Variants in TPR observed in about 807,000 individuals in gnomAD.
TPR encodes nucleoprotein TPR.
Under a neutral mutation model 316.1 loss-of-function variants are expected in TPR, and 51 were observed. The ratio of observed to expected loss-of-function variants is 0.16; its 90% CI spans 0.13 to 0.20. The LOEUF (loss-of-function observed/expected upper bound fraction) is 0.20, where lower values mean the gene tolerates loss of function less well. Ranked by LOEUF, TPR falls within the 10% of genes least tolerant of loss-of-function variation. The probability of loss-of-function intolerance (pLI) is 1.00; values close to 1 mark genes in which losing one functional copy is unlikely to be tolerated. For synonymous variants in TPR, 981 were observed against 914.7 expected (o/e 1.07, Z -1.31); for missense variants, 2,272 against 2,754.8 (o/e 0.82, Z 3.92).
At chr1:186,334,293 C>A in intron 36 of TPR, 32 bp downstream of exon 36, 2 of 1,538,206 alleles carry the variant, frequency 1.3e-6, no homozygotes, top group Non-Finnish European at 1.8e-6. Flanking sequence ...TCTAAATAAG[C>A]AGTCTCATCA....
intron 21 of TPR, among the ~76,000 whole-genome samples, chr1:186,348,248 G>A (rs768241785): frequency 3.9e-5 from 6 of 152,244 alleles, no homozygotes; most frequent in Non-Finnish European, 7.4e-5. Flanking sequence ...CCTGGGGGGA[G>A]GTCTATGAAC....
chr1:186,314,816 T>A, intron 49 of TPR, 92 bp from the exon 50 acceptor site: 1 of 734,156 alleles, frequency 1.4e-6, no homozygotes, highest in Non-Finnish European at 2.2e-6. Context: ...AATGAATGAA[T>A]AAGATGTAGA....
At chr1:186,346,344 A>G in intron 22 of TPR, 57 bp from the exon 23 acceptor site, 2 of 1,481,892 alleles carry the variant, frequency 1.3e-6, no homozygotes, top group South Asian at 2.8e-5. Context: ...AAGTCATACA[A>G]TTATTTTCTC....
chr1:186,353,350 C>T (rs911647713), intron 18 of TPR, among the ~76,000 whole-genome samples: 3 of 149,538 alleles, frequency 2.0e-5, no homozygotes, highest in South Asian at 2.1e-4. Context: ...CCAGCCTGGG[C>T]GACAGAGTGA....
intron 11 of TPR, 108 bp downstream of exon 11, chr1:186,360,165 A>T (rs1659141231): frequency 1.5e-6 from 2 of 1,360,720 alleles, no homozygotes; most frequent in African/African-American, 1.5e-5. Flanking sequence ...ATGATCCACT[A>T]ATTATAAGAT....
rs565270482 is a variant in TPR at position 186,343,773 on chromosome 1, T to A, written c.3602+133A>T. 21 of 921,834 alleles carry A rather than the reference T, an allele frequency of 2.3e-5. No individual in the cohort carries two copies. The African/African-American group carries it at 3.4e-4, about 15-fold the overall frequency. The allele number at this position is 921,834 out of a possible 1,614,324, so 57.1% of individuals were successfully genotyped here. On this transcript the variant is annotated intron_variant, in intron 26 of 50. Coordinates refer to ENST00000367478, the MANE Select transcript of TPR (RefSeq NM_003292.3). ...TAATATGTGTAAATGTTAAAAGTTA[T>A]GAGTTCTTTGACAAATAAAAGAATG...
chr1:186,353,642 C>G (rs1161653756), intron 18 of TPR, 46 bp downstream of exon 18: 39 of 1,581,056 alleles, frequency 2.5e-5, no homozygotes, highest in Non-Finnish European at 3.1e-5. Context: ...AAAGAAATGT[C>G]AAATGCAACT....
intron 39 of TPR, among the ~76,000 whole-genome samples, chr1:186,328,296 T>C (rs538795030): frequency 1.3e-5 from 2 of 152,318 alleles, no homozygotes; most frequent in Non-Finnish European, 2.9e-5. Context: ...GAATATGTCA[T>C]GTAATTTTAA....
intron 39 of TPR, among the ~76,000 whole-genome samples, chr1:186,328,463 A>G (rs1180220933): frequency 6.6e-6 from 1 of 152,158 alleles, no homozygotes; most frequent in African/African-American, 2.4e-5. Flanking sequence ...TGTATATTTT[A>G]TATTTGTATC....
At chr1:186,334,022 A>C (rs1411034322) in intron 36 of TPR, among the ~76,000 whole-genome samples, 1 of 152,178 alleles carries the variant, frequency 6.6e-6, no homozygotes, top group East Asian at 1.9e-4. Flanking sequence ...TGCTGTAATG[A>C]ATAACAAGAG....
chr1:186,324,154 A>C (rs1657849699), intron 42 of TPR, among the ~76,000 whole-genome samples: 1 of 152,158 alleles, frequency 6.6e-6, no homozygotes, highest in Non-Finnish European at 1.5e-5. Context: ...GTGTTTCTAA[A>C]ATGGTTTTTC....
intron 35 of TPR, 100 bp from the exon 36 acceptor site, chr1:186,334,633 A>G (rs1571611929): frequency 4.0e-6 from 5 of 1,238,002 alleles, no homozygotes; most frequent in East Asian, 4.8e-5. Flanking sequence ...TGTTCACTAA[A>G]TATTTCAGAG....
rs1377513986 is a variant in TPR at position 186,311,740 on chromosome 1, A to G, written c.*2231T>C. 1.8e-5 allele frequency: 16 copies of G among 879,136 alleles called. No individual in the cohort carries two copies. The South Asian group carries it at 2.3e-4, about 13-fold the overall frequency. 54.5% of individuals were successfully genotyped at this position (879,136 alleles called of 1,614,324 possible). A position where few individuals can be genotyped will look rare whatever the true frequency, so the allele number is the denominator to read the frequency against. On this transcript the variant is annotated 3_prime_UTR_variant, in exon 51 of 51. Coordinates refer to ENST00000367478, the MANE Select transcript of TPR (RefSeq NM_003292.3). Reference sequence around the variant, plus strand: ...AGTGAAAAAAATCAATATTGAGGGTAGTATTCTTATTGCCCTCAATTTTTA... The same window carrying G: ...AGTGAAAAAAATCAATATTGAGGGTGGTATTCTTATTGCCCTCAATTTTTA...
At position 186,360,378 on chromosome 1, in the gene TPR, T is replaced by C; in HGVS notation, c.1100-14A>G. The stretch of plus-strand genomic sequence containing the variant: ...ACAATATGGCTCCTGTGCCAACAAA[T>C]ACACATCTAGTATAATTTGTAAAAT... On this transcript the variant is annotated splice_polypyrimidine_tract_variant and intron_variant, in intron 10 of 50. Transcript: ENST00000367478. 1 of 1,611,104 alleles carries C rather than the reference T, an allele frequency of 6.2e-7. No individual in the cohort carries two copies. The highest frequency in any genetic ancestry group is 8.5e-7 in the Non-Finnish European group (1 of 1,178,588).
chr1:186,320,441 A>C (rs780346931), intron 45 of TPR, 23 bp from the exon 46 acceptor site: 2 of 1,584,360 alleles, frequency 1.3e-6, no homozygotes, highest in Non-Finnish European at 1.7e-6. Flanking sequence ...AAACTAATTT[A>C]AGATGAAATT....
intron 40 of TPR, 57 bp downstream of exon 40, chr1:186,327,403 T>C: frequency 1.3e-6 from 2 of 1,564,310 alleles, no homozygotes; most frequent in Non-Finnish European, 1.7e-6. Context: ...ATCCCAAGGA[T>C]TTGAGCACTT....
At chr1:186,366,608 T>C (rs905397957) in intron 4 of TPR, among the ~76,000 whole-genome samples, 3 of 152,326 alleles carry the variant, frequency 2.0e-5, no homozygotes, top group Non-Finnish European at 2.9e-5. Flanking sequence ...TCTGCCATAG[T>C]TAATTACAAA....
In TPR at chr1:186,360,006, G is replaced by A. The variant is rs769231697; in HGVS notation, c.1192-10C>T. The A allele has an allele frequency of 6.2e-7, 1 of 1,601,476 alleles. No individual in the cohort carries two copies. Among genetic ancestry groups the A allele is most frequent in the Non-Finnish European group, 8.5e-7 (1 of 1,177,068 alleles). On this transcript the variant is annotated splice_polypyrimidine_tract_variant and intron_variant, in intron 11 of 50. Transcript: ENST00000367478. ...CATAAGCATTATAGAGCTGAAAGTA[G>A]ACAAAGGGTTGTTTCAAATCTAACC...
At chr1:186,336,874 A>G in intron 32 of TPR, 139 bp downstream of exon 32, 2 of 1,379,258 alleles carry the variant, frequency 1.5e-6, no homozygotes, top group East Asian at 2.3e-5. Context: ...GGTACTACTT[A>G]CATACATGAG....
Sources: gnomAD v4.1 joint callset for allele counts (sites outside exome capture counted in the v4.1 genomes callset) on GRCh38, gnomAD v4.1.1 for gene constraint, MANE v1.5 for transcripts, NCBI Gene and HGNC (gene_info 2026-07-23, HGNC 2026-07-21) for gene names.